The following FAM171B variants were observed in gnomAD, a reference collection of about 807,000 sequenced individuals.
FAM171B encodes the protein protein FAM171B.
In FAM171B, 19 loss-of-function variants were observed where a neutral mutation model predicts 75.6. That is an observed-to-expected ratio of 0.25 (90% confidence interval 0.18 to 0.37). FAM171B has a LOEUF of 0.37. FAM171B is among the 10% of genes least tolerant of loss of function. The pLI, the probability that FAM171B is intolerant of heterozygous loss-of-function variation, is 1.00. For synonymous variants in FAM171B, 367 were observed against 361.7 expected (o/e 1.01, Z -0.17); for missense variants, 848 against 982.4 (o/e 0.86, Z 1.83).
intron 3 of FAM171B, among the ~76,000 whole-genome samples, chr2:186,744,424 A>C (rs1259852345): frequency 1.3e-5 from 2 of 152,324 alleles, no homozygotes; most frequent in African/African-American, 2.4e-5. Context: ...TTTGGGAAAA[A>C]AATAAACTAG....
rs1690645132 is a variant in FAM171B, at chr2:186,762,963, C to G, written c.*140C>G. On this transcript the variant is annotated 3_prime_UTR_variant, in exon 8 of 8. Transcript: ENST00000304698. The surrounding 1 kb of genome is among the most constrained non-coding windows in gnomAD (Gnocchi z 4.0). ...GTCTCAAGCAGAGTAAATGGTAATT[C>G]AGTAATCAGAGAGAAAGATACCAAG... 4 of 1,004,472 alleles carry G rather than the reference C, an allele frequency of 4.0e-6. No individual in the cohort carries two copies. The highest frequency in any genetic ancestry group is 3.2e-5 in the African/African-American group (2 of 61,658). 62.2% of individuals were successfully genotyped at this position (1,004,472 alleles called of 1,614,324 possible).
At chr2:186,752,356 A>G (rs1304119738) in intron 5 of FAM171B, among the ~76,000 whole-genome samples, 1 of 152,202 alleles carries the variant, frequency 6.6e-6, no homozygotes, top group Non-Finnish European at 1.5e-5. Flanking sequence ...AAGGCCCCCA[A>G]AACACATACG....
At chr2:186,728,051 C>A in intron 1 of FAM171B, among the ~76,000 whole-genome samples, 1 of 151,916 alleles carries the variant, frequency 6.6e-6, no homozygotes, top group East Asian at 1.9e-4. Context: ...GGGTTCCTAC[C>A]ACAACATCTC....
rs199591394 is a variant in FAM171B, at chr2:186,694,250, T to C, written c.77T>C (p.Val26Ala). Residue 26 changes from valine to alanine, a missense_variant, in exon 1 of 8, where the codon GTC becomes GCC. Val to Ala is a moderately conservative substitution (Grantham distance 64, BLOSUM62 0). Transcript: ENST00000304698. ...GTGGTGCTGCTGAAAGCGCGGCTGGTCCCCGCGGCCGCCAGAGCGGAACTC... is the reference window on the plus strand; with the variant it reads ...GTGGTGCTGCTGAAAGCGCGGCTGGCCCCCGCGGCCGCCAGAGCGGAACTC... Reference protein sequence around the residue: ...LAVVLLKARLVPAAARAELSR... With the variant: ...LAVVLLKARLAPAAARAELSR... The C allele has an allele frequency of 6.2e-7, 1 of 1,610,008 alleles. No individual in the cohort carries two copies. Among genetic ancestry groups the C allele is most frequent in the African/African-American group, 1.3e-5 (1 of 74,878 alleles).
intron 1 of FAM171B, 52 bp from the exon 2 acceptor site, chr2:186,740,176 C>A: frequency 1.6e-6 from 2 of 1,285,464 alleles, no homozygotes; most frequent in Non-Finnish European, 2.3e-6. Flanking sequence ...AAGACTATGA[C>A]ATATGCATTC....
intron 2 of FAM171B, among the ~76,000 whole-genome samples, chr2:186,741,916 A>G (rs574756251): frequency 1.3e-5 from 2 of 152,306 alleles, no homozygotes; most frequent in African/African-American, 4.8e-5. Context: ...AAATGGAAGC[A>G]TTCCAAATCT....
At chr2:186,734,494 A>T (rs115313475) in intron 1 of FAM171B, among the ~76,000 whole-genome samples, 184 of 151,740 alleles carry the variant, frequency 1.2e-3, no homozygotes, top group African/African-American at 4.0e-3. Flanking sequence ...TCATCACAAC[A>T]TCTCTGTGGC....
chr2:186,732,214 G>A (rs1559087164), intron 1 of FAM171B, among the ~76,000 whole-genome samples: 1 of 151,970 alleles, frequency 6.6e-6, no homozygotes, highest in Non-Finnish European at 1.5e-5. Context: ...TTTTCCATTT[G>A]AGTTTGAGGA....
rs964040345 is a variant in FAM171B at position 186,699,506 on chromosome 2, T to A, written c.238+5095T>A. Among the ~76,000 whole-genome samples the A allele has an allele frequency of 3.3e-5, 5 of 152,274 alleles. No individual in the cohort carries two copies. In the East Asian group the frequency reaches 9.6e-4, roughly 29 times the overall value. ...TTTTTGCCTATTGAATTGTTTGAGT[T>A]CCTTATATATTCTGGTTATTAATCC... On this transcript the variant is annotated intron_variant, in intron 1 of 7. Coordinates refer to ENST00000304698, the MANE Select transcript of FAM171B (RefSeq NM_177454.4).
rs190057401 is a variant in FAM171B, at chr2:186,762,741, G to T, written c.2399G>T (p.Gly800Val). ...AATACATCCCCCACTAAAAGAAGGGGCAGACCACCACTAGCCAAAAGAGAT... is the reference window on the plus strand; with the variant it reads ...AATACATCCCCCACTAAAAGAAGGGTCAGACCACCACTAGCCAAAAGAGAT... ...EANTSPTKRRGRPPLAKRDSK... is the reference protein window; with the variant it reads ...EANTSPTKRRVRPPLAKRDSK... The change falls in exon 8 of 8, where the codon GGC (glycine) becomes GTC (valine). Residue 800 changes from glycine (G) to valine (V), a missense_variant. By Grantham distance (109) the Gly-to-Val change is moderately radical. This residue lies in a region of FAM171B where 136 missense variants were observed against 159.3 expected (regional missense o/e 0.85). Transcript: ENST00000304698. The surrounding 1 kb of genome is among the most constrained non-coding windows in gnomAD (Gnocchi z 4.0). 64 of 1,613,278 alleles carry T rather than the reference G, an allele frequency of 4.0e-5. No individual in the cohort carries two copies. The highest frequency in any genetic ancestry group is 5.3e-5 in the Non-Finnish European group (63 of 1,179,614).
At chr2:186,734,643 G>T (rs2105783617) in intron 1 of FAM171B, among the ~76,000 whole-genome samples, 1 of 152,170 alleles carries the variant, frequency 6.6e-6, no homozygotes. Context: ...TCCATGAGTG[G>T]GCCAGGAAGA....
chr2:186,743,375 T>TCC (rs200281950), intron 2 of FAM171B, 108 bp from the exon 3 acceptor site: 52 of 643,870 alleles, frequency 8.1e-5, no homozygotes, highest in Non-Finnish European at 1.3e-4. Flanking sequence ...AAGCATTTGT[T>TCC]CCCCCCCACA....
intron 1 of FAM171B, among the ~76,000 whole-genome samples, chr2:186,714,777 T>G (rs1311469145): frequency 6.6e-6 from 1 of 152,216 alleles, no homozygotes; most frequent in Non-Finnish European, 1.5e-5. Context: ...CAGTAATTGC[T>G]TCCTGAATAG....
chr2:186,722,813 A>T (rs991967079), intron 1 of FAM171B, among the ~76,000 whole-genome samples: 1 of 152,158 alleles, frequency 6.6e-6, no homozygotes, highest in African/African-American at 2.4e-5. Context: ...CATGGACTCC[A>T]ATCATGAGTT....
At chr2:186,746,956 A>G in intron 3 of FAM171B, 136 bp from the exon 4 acceptor site, 1 of 642,664 alleles carries the variant, frequency 1.6e-6, no homozygotes, top group Admixed American at 3.3e-5. Context: ...TCTGCATTTA[A>G]AATAATTACA....
chr2:186,720,506 G>A (rs761688296), intron 1 of FAM171B, among the ~76,000 whole-genome samples: 1 of 151,964 alleles, frequency 6.6e-6, no homozygotes, highest in East Asian at 1.9e-4. Context: ...ATACATTACC[G>A]TGCTTATACA....
Position 186,761,787 on chromosome 2 carries a change from C to T in FAM171B, c.1445C>T (p.Thr482Ile), listed in dbSNP as rs748454355. The T allele has an allele frequency of 1.2e-6, 2 of 1,613,222 alleles. No individual in the cohort carries two copies. The highest frequency in any genetic ancestry group is 1.1e-5 in the South Asian group (1 of 91,074). The change falls in exon 8 of 8, where the codon ACA (threonine) becomes ATA (isoleucine). Residue 482 changes from threonine to isoleucine, a missense_variant. By Grantham distance (89) the Thr-to-Ile change is moderately conservative. Transcript: ENST00000304698. ...CAAAATAATTACTCAAGAAACCCAA[C>T]ACAGTCTTTGGAGCCCAATGTAGGG... ...VNQNNYSRNP[T>I]QSLEPNVGSK...
At chr2:186,718,827 T>C (rs1408540716) in intron 1 of FAM171B, among the ~76,000 whole-genome samples, 1 of 152,254 alleles carries the variant, frequency 6.6e-6, no homozygotes, top group African/African-American at 2.4e-5. Flanking sequence ...TTTTCTTTTG[T>C]ACGAAATGTG....
In FAM171B at chr2:186,694,119, C is replaced by A. The variant is rs928500954; in HGVS notation, c.-55C>A. The A allele has an allele frequency of 4.9e-6, 7 of 1,424,270 alleles. No homozygotes were observed. In the African/African-American group the frequency reaches 1.0e-4, roughly 21 times the overall value. The allele number at this position is 1,424,270 out of a possible 1,614,324, so 88.2% of individuals were successfully genotyped here. On this transcript the variant is annotated 5_prime_UTR_variant, in exon 1 of 8. Transcript: ENST00000304698. Reference sequence around the variant, plus strand: ...CTGCCAGGAGCCCGCAGCCCTGGCGCCCGCCGCCGCCCGGAGCCCCGCAAT... The same window carrying A: ...CTGCCAGGAGCCCGCAGCCCTGGCGACCGCCGCCGCCCGGAGCCCCGCAAT...
Sources: gnomAD v4.1 joint callset for allele counts (sites outside exome capture counted in the v4.1 genomes callset) on GRCh38, gnomAD v4.1.1 for gene constraint, gnomAD v4.1.1 regional missense constraint, Gnocchi (gnomAD v3.1) non-coding constraint, MANE v1.5 for transcripts, NCBI Gene and HGNC (gene_info 2026-07-23, HGNC 2026-07-21) for gene names.